Variants in DLG2 observed in about 807,000 individuals in gnomAD.
DLG2 encodes the protein disks large homolog 2.
DLG2 carries 45 observed loss-of-function variants against 132.5 expected under a neutral mutation model. The ratio of observed to expected loss-of-function variants is 0.34; its 90% CI spans 0.27 to 0.44. The LOEUF is 0.44. Ranked by LOEUF, DLG2 falls within the 20% of genes least tolerant of loss-of-function variation. The probability of loss-of-function intolerance (pLI) is 1.00; values close to 1 mark genes in which losing one functional copy is unlikely to be tolerated. For synonymous variants in DLG2, 424 were observed against 419.6 expected (o/e 1.01, Z -0.13); for missense variants, 1,045 against 1,196.9 (o/e 0.87, Z 1.87).
intron 18 of DLG2, among the ~76,000 whole-genome samples, chr11:83,753,845 ATATATATCATATATATATTTCATATATAT>A (rs1566832055): frequency 1.0e-4 from 1 of 9,906 alleles, no homozygotes; most frequent in Non-Finnish European, 1.5e-4. Context: ...GATATATATC[ATATATATCATATATATATTTCATATATAT>A]GATATATATC....
chr11:83,769,652 T>C (rs66848113), intron 18 of DLG2, among the ~76,000 whole-genome samples: 12,564 of 151,204 alleles, frequency 0.083, 660 homozygotes, highest in Middle Eastern at 0.15. Context: ...CAACCTTCTC[T>C]TTCCGGGGTC....
chr11:83,671,768 G>A (rs954265681), intron 18 of DLG2, among the ~76,000 whole-genome samples: 2 of 151,870 alleles, frequency 1.3e-5, no homozygotes, highest in African/African-American at 4.8e-5. Flanking sequence ...AAAAGATAAG[G>A]GTGCTTGTTT....
chr11:83,679,001 A>G (rs577295108), intron 18 of DLG2, among the ~76,000 whole-genome samples: 1 of 152,256 alleles, frequency 6.6e-6, no homozygotes, highest in African/African-American at 2.4e-5. Flanking sequence ...ATATGAGGAG[A>G]GGAATCAAAG....
At chr11:85,394,178 T>C (rs2087070345) in intron 3 of DLG2, among the ~76,000 whole-genome samples, 1 of 152,226 alleles carries the variant, frequency 6.6e-6, no homozygotes, top group African/African-American at 2.4e-5. Context: ...AACTATAAGA[T>C]GTATATACTT....
At chr11:85,407,159 C>A (rs1036915320) in intron 3 of DLG2, among the ~76,000 whole-genome samples, 1 of 151,596 alleles carries the variant, frequency 6.6e-6, no homozygotes, top group Non-Finnish European at 1.5e-5. Flanking sequence ...GGTAGAGGGA[C>A]CAAATCATGT....
intron 6 of DLG2, among the ~76,000 whole-genome samples, chr11:85,053,886 G>C (rs926142133): frequency 6.6e-6 from 1 of 151,086 alleles, no homozygotes; most frequent in African/African-American, 2.4e-5. Flanking sequence ...ACAAAAATAT[G>C]GGTCAATTAA....
chr11:84,504,749 T>C (rs2099233550), intron 7 of DLG2, among the ~76,000 whole-genome samples: 4 of 152,138 alleles, frequency 2.6e-5, no homozygotes, highest in African/African-American at 4.8e-5. Context: ...GGATTATATA[T>C]AGACAATGGA....
At chr11:84,069,227 G>A (rs184835518) in intron 10 of DLG2, among the ~76,000 whole-genome samples, 1 of 152,286 alleles carries the variant, frequency 6.6e-6, no homozygotes, top group East Asian at 1.9e-4. Context: ...ACTGCTCTAG[G>A]TTTTGAAGGG....
chr11:84,775,712 C>T (rs1451495803), intron 6 of DLG2, among the ~76,000 whole-genome samples: 2 of 152,034 alleles, frequency 1.3e-5, no homozygotes, highest in Non-Finnish European at 2.9e-5. Context: ...GGGAGTTATA[C>T]ATGGCAACAA....
intron 18 of DLG2, among the ~76,000 whole-genome samples, chr11:83,699,591 T>C (rs1277798945): frequency 6.7e-6 from 1 of 149,288 alleles, no homozygotes; most frequent in African/African-American, 2.5e-5. Flanking sequence ...GTGCCTGCAG[T>C]CCCAGTTACT....
At chr11:83,790,036 T>G (rs2041116347) in intron 17 of DLG2, 3 of 1,360,534 alleles carry the variant, frequency 2.2e-6, no homozygotes, top group Non-Finnish European at 2.9e-6. Context: ...GAATTAAGTC[T>G]ATTCTGGTAT....
intron 6 of DLG2, among the ~76,000 whole-genome samples, chr11:84,963,913 C>T (rs1190441895): frequency 6.6e-6 from 1 of 152,114 alleles, no homozygotes; most frequent in East Asian, 1.9e-4. Context: ...GTGAAGGTTA[C>T]CCAGTAAAGT....
chr11:85,331,013 T>G (rs1054198457), intron 3 of DLG2, among the ~76,000 whole-genome samples: 58 of 152,278 alleles, frequency 3.8e-4, no homozygotes, highest in Middle Eastern at 3.4e-3. Context: ...ACTATTTATA[T>G]GAGGCACGAA....
intron 6 of DLG2, among the ~76,000 whole-genome samples, chr11:84,652,228 T>C (rs1456027758): frequency 1.3e-5 from 2 of 152,162 alleles, no homozygotes; most frequent in African/African-American, 4.8e-5. Context: ...GTTAGACATT[T>C]GTGTGTGTGC....
At chr11:83,641,466 T>TGGG (rs1203854214) in intron 18 of DLG2, among the ~76,000 whole-genome samples, 3 of 152,224 alleles carry the variant, frequency 2.0e-5, no homozygotes, top group Non-Finnish European at 2.9e-5. Context: ...CTTCTTTTTC[T>TGGG]AGTTTTCCTG....
At chr11:83,875,273 TA>T (rs1265932502) in intron 15 of DLG2, among the ~76,000 whole-genome samples, 1 of 152,254 alleles carries the variant, frequency 6.6e-6, no homozygotes, top group African/African-American at 2.4e-5. Flanking sequence ...GTAATATAAA[TA>T]AAATGATAAT....
chr11:83,829,309 G>A (rs936112356), intron 17 of DLG2, among the ~76,000 whole-genome samples: 2 of 149,914 alleles, frequency 1.3e-5, no homozygotes, highest in Non-Finnish European at 3.0e-5. Context: ...CGATTCTCCT[G>A]ACTCAGCCTC....
At chr11:84,334,153 CTT>C (rs752725307) in intron 7 of DLG2, among the ~76,000 whole-genome samples, 86 of 152,294 alleles carry the variant, frequency 5.6e-4, no homozygotes, top group Middle Eastern at 6.8e-3. Context: ...CAAAAACCTT[CTT>C]TTATAAGAGT....
In DLG2 at chr11:85,373,593, TGCTTCAGGGAGGA is replaced by T; in HGVS notation, c.41-88241_41-88229del. Among the ~76,000 whole-genome samples the T allele has an allele frequency of 2.0e-5, 3 of 152,306 alleles. No homozygotes were observed. The South Asian group carries it at 6.2e-4, about 32-fold the overall frequency. On this transcript the variant is annotated intron_variant, in intron 3 of 27. Coordinates refer to ENST00000376104, the MANE Select transcript of DLG2 (RefSeq NM_001142699.3). ...GGAGCCTCAGGAAGTTCACGACATT[TGCTTCAGGGAGGA>T]GCCTGGCCCCTCTTCTTCCTGTGTG...
Sources: gnomAD v4.1 joint callset for allele counts (sites outside exome capture counted in the v4.1 genomes callset) on GRCh38, gnomAD v4.1.1 for gene constraint, MANE v1.5 for transcripts, NCBI Gene and HGNC (gene_info 2026-07-23, HGNC 2026-07-21) for gene names.